Variants in CEP112 observed in about 807,000 individuals in gnomAD.
CEP112 encodes the protein centrosomal protein of 112 kDa.
Under a neutral mutation model 153.0 loss-of-function variants are expected in CEP112, and 127 were observed. The ratio of observed to expected loss-of-function variants is 0.83; its 90% CI spans 0.72 to 0.96. The LOEUF is 0.96. Among genes scored for constraint, CEP112 ranks in the 40% least tolerant of loss-of-function variants. The pLI is 0.00. For synonymous variants in CEP112, 358 were observed against 374.4 expected (o/e 0.96, Z 0.51); for missense variants, 1,089 against 1,101.2 (o/e 0.99, Z 0.16).
At chr17:66,116,414 T>C (rs2069295462) in intron 6 of CEP112, among the ~76,000 whole-genome samples, 1 of 152,188 alleles carries the variant, frequency 6.6e-6, no homozygotes, top group Non-Finnish European at 1.5e-5. Flanking sequence ...AGGTTTTTGT[T>C]TATATTTTGG....
At chr17:65,956,247 C>G (rs2061996889) in intron 18 of CEP112, among the ~76,000 whole-genome samples, 2 of 152,122 alleles carry the variant, frequency 1.3e-5, no homozygotes, top group African/African-American at 4.8e-5. Flanking sequence ...AATCCCACTT[C>G]TAGGTGTCTA....
chr17:65,988,875 G>C lies in CEP112; in HGVS notation c.1736+16815C>G, dbSNP rs75326558. 4.2e-3 allele frequency among the ~76,000 whole-genome samples: 644 copies of C among 152,130 alleles called. 3 individuals are homozygous for C. Among genetic ancestry groups the C allele is most frequent in the African/African-American group, 0.014 (596 of 41,540 alleles). Reference sequence around the variant, plus strand: ...AAGCTTATTCACAGAAATAATAAAAGAAAACTTTCCAAAACTTAAGAAAGA... The same window carrying C: ...AAGCTTATTCACAGAAATAATAAAACAAAACTTTCCAAAACTTAAGAAAGA... On this transcript the variant is annotated intron_variant, in intron 17 of 26. Coordinates refer to ENST00000535342, the MANE Select transcript of CEP112 (RefSeq NM_001199165.4).
intron 8 of CEP112, among the ~76,000 whole-genome samples, chr17:66,076,445 T>A (rs1204822516): frequency 6.6e-6 from 1 of 151,952 alleles, no homozygotes; most frequent in East Asian, 1.9e-4. Flanking sequence ...TTCCCTCACT[T>A]CCCTGACAAC....
chr17:65,952,614 C>G (rs2061872833), intron 18 of CEP112, among the ~76,000 whole-genome samples: 1 of 152,056 alleles, frequency 6.6e-6, no homozygotes, highest in African/African-American at 2.4e-5. Flanking sequence ...CTTTATTTCT[C>G]TTTGGTAAAT....
intron 10 of CEP112, among the ~76,000 whole-genome samples, chr17:66,066,215 T>C (rs1423159955): frequency 4.6e-5 from 7 of 152,180 alleles, no homozygotes; most frequent in Non-Finnish European, 8.8e-5. Flanking sequence ...TGCCGGACTT[T>C]CCATCTGTCC....
intron 2 of CEP112, among the ~76,000 whole-genome samples, chr17:66,179,543 C>T (rs539641017): frequency 1.1e-3 from 160 of 151,914 alleles, no homozygotes; most frequent in Middle Eastern, 3.4e-3. Context: ...GATTTTGTAC[C>T]CTGCATCTTT....
intron 23 of CEP112, among the ~76,000 whole-genome samples, chr17:65,718,781 G>A (rs575219480): frequency 2.6e-5 from 4 of 152,318 alleles, no homozygotes; most frequent in East Asian, 3.9e-4. Context: ...AGGGACTGAC[G>A]ATTGAGAAGG....
intron 20 of CEP112, among the ~76,000 whole-genome samples, chr17:65,876,723 A>T (rs931436938): frequency 6.6e-6 from 1 of 151,844 alleles, no homozygotes. Context: ...TTTGAAATAT[A>T]TTTTTACACT....
At chr17:65,814,304 G>C (rs2145936608) in intron 21 of CEP112, among the ~76,000 whole-genome samples, 1 of 152,282 alleles carries the variant, frequency 6.6e-6, no homozygotes, top group African/African-American at 2.4e-5. Context: ...AAACCAAGCT[G>C]TCTGCTCTGT....
chr17:65,982,956 C>T (rs748218418), intron 17 of CEP112, among the ~76,000 whole-genome samples: 7 of 152,078 alleles, frequency 4.6e-5, no homozygotes, highest in Non-Finnish European at 8.8e-5. Context: ...AAAGTAGCTC[C>T]GGACACAAAA....
intron 6 of CEP112, 148 bp downstream of exon 6, chr17:66,129,598 C>G: frequency 2.1e-6 from 1 of 472,752 alleles, no homozygotes; most frequent in Non-Finnish European, 3.8e-6. Context: ...TATTTATTTC[C>G]TATACTTAAG....
At chr17:65,795,941 A>G (rs968403594) in intron 21 of CEP112, among the ~76,000 whole-genome samples, 7 of 152,200 alleles carry the variant, frequency 4.6e-5, no homozygotes, top group African/African-American at 1.7e-4. Flanking sequence ...CACTGTTCAC[A>G]CTTCGGTAAT....
intron 24 of CEP112, among the ~76,000 whole-genome samples, chr17:65,676,630 G>A (rs1427508699): frequency 6.6e-6 from 1 of 152,150 alleles, no homozygotes; most frequent in Non-Finnish European, 1.5e-5. Context: ...GTATATCCAG[G>A]CCATATAGTA....
chr17:65,715,981 T>C (rs2144777612), intron 23 of CEP112, among the ~76,000 whole-genome samples: 1 of 152,344 alleles, frequency 6.6e-6, no homozygotes, highest in South Asian at 2.1e-4. Context: ...TGATTACTTC[T>C]AAGCATGTAG....
At chr17:65,850,153 CAAA>C (rs57086665) in intron 21 of CEP112, among the ~76,000 whole-genome samples, 4 of 35,714 alleles carry the variant, frequency 1.1e-4, no homozygotes, top group African/African-American at 2.9e-4. Flanking sequence ...GACTCTGTCT[CAAA>C]AAAAAAAAAA....
intron 18 of CEP112, among the ~76,000 whole-genome samples, chr17:65,938,450 C>CA (rs2144426055): frequency 1.3e-5 from 2 of 149,996 alleles, no homozygotes; most frequent in African/African-American, 4.9e-5. Flanking sequence ...AAAAAAATAC[C>CA]ATAACATAAT....
intron 23 of CEP112, among the ~76,000 whole-genome samples, chr17:65,714,101 T>C (rs1420865423): frequency 1.3e-5 from 2 of 152,114 alleles, no homozygotes; most frequent in Non-Finnish European, 2.9e-5. Context: ...TACCTTCCCC[T>C]CTTCAAAAAG....
chr17:65,963,673 G>A (rs1330449086), intron 17 of CEP112, among the ~76,000 whole-genome samples: 1 of 134,348 alleles, frequency 7.4e-6, no homozygotes, highest in Non-Finnish European at 1.6e-5. Flanking sequence ...ATATAGATAG[G>A]GGTGTGTGTG....
At chr17:65,974,079 A>T (rs2873904) in intron 17 of CEP112, among the ~76,000 whole-genome samples, 72,757 of 151,264 alleles carry the variant, frequency 0.48, 18,458 homozygotes, top group East Asian at 0.89. Flanking sequence ...CTGTTTTCTT[A>T]CTTCTTTTTT....
Sources: allele counts gnomAD v4.1 joint callset (sites outside exome capture counted in the v4.1 genomes callset), GRCh38; gene constraint gnomAD v4.1.1; transcripts MANE v1.5; gene names NCBI Gene and HGNC (gene_info 2026-07-23, HGNC 2026-07-21).